The following STK39 variants were observed in gnomAD, a reference collection of about 807,000 sequenced individuals.
STK39 encodes the protein serine/threonine kinase 39, also known as STE20/SPS1-related proline-alanine-rich protein kinase.
In STK39, 20 loss-of-function variants were observed where a neutral mutation model predicts 77.8. The ratio of observed to expected loss-of-function variants is 0.26; its 90% CI spans 0.18 to 0.37. The LOEUF is 0.37. Among genes scored for constraint, STK39 ranks in the 10% least tolerant of loss-of-function variants. The pLI is 1.00. For missense variants in STK39, 479 were observed against 656.5 expected, an observed-to-expected ratio of 0.73 and a Z score of 2.95; for synonymous variants, 246 against 234.1, an observed-to-expected ratio of 1.05 and a Z score of -0.47.
intron 1 of STK39, among the ~76,000 whole-genome samples, chr2:168,227,009 C>T (rs1324351614): frequency 1.3e-5 from 2 of 152,124 alleles, no homozygotes; most frequent in South Asian, 2.1e-4. Flanking sequence ...CCTGGAATGA[C>T]AGCTGTGAAT....
intron 1 of STK39, among the ~76,000 whole-genome samples, chr2:168,217,222 T>C (rs1690046376): frequency 6.6e-6 from 1 of 152,178 alleles, no homozygotes; most frequent in South Asian, 2.1e-4. Flanking sequence ...CTGAATTCCT[T>C]AAGTCACACA....
At chr2:168,167,496 C>T in intron 2 of STK39, 89 bp from the exon 3 acceptor site, 1 of 1,167,044 alleles carries the variant, frequency 8.6e-7, no homozygotes, top group South Asian at 1.3e-5. Flanking sequence ...ACCTGGGTAA[C>T]TTTCCTACTC....
intron 10 of STK39, among the ~76,000 whole-genome samples, chr2:168,119,516 A>G (rs1476635191): frequency 6.6e-6 from 1 of 152,172 alleles, no homozygotes; most frequent in Admixed American, 6.6e-5. Context: ...AAGTCGTTAA[A>G]CCATCACCCT....
intron 1 of STK39, among the ~76,000 whole-genome samples, chr2:168,215,246 C>T (rs886889341): frequency 1.3e-5 from 2 of 152,130 alleles, no homozygotes; most frequent in Admixed American, 6.5e-5. Context: ...GCCAGGACTC[C>T]AATCATACTC....
intron 10 of STK39, among the ~76,000 whole-genome samples, chr2:168,092,908 C>G (rs1053774456): frequency 4.6e-5 from 7 of 152,216 alleles, no homozygotes; most frequent in African/African-American, 7.2e-5. Flanking sequence ...AGGCTACGCA[C>G]TCCCAGGGTA....
At chr2:168,121,598 C>T (rs541445030) in intron 10 of STK39, among the ~76,000 whole-genome samples, 68 of 152,300 alleles carry the variant, frequency 4.5e-4, no homozygotes, top group African/African-American at 1.3e-3. Flanking sequence ...GGCTTTTCCT[C>T]CATTTCACCC....
intron 14 of STK39, among the ~76,000 whole-genome samples, chr2:168,049,128 A>G (rs191124595): frequency 5.8e-4 from 89 of 152,320 alleles, no homozygotes; most frequent in African/African-American, 2.0e-3. Flanking sequence ...AAACAGTGTG[A>G]AATAAGCACC....
At chr2:168,070,517 A>C (rs971935677) in intron 12 of STK39, among the ~76,000 whole-genome samples, 2 of 151,360 alleles carry the variant, frequency 1.3e-5, no homozygotes, top group South Asian at 2.1e-4. Context: ...ACATAGGTAT[A>C]CATGTGCCAT....
intron 1 of STK39, among the ~76,000 whole-genome samples, chr2:168,215,290 G>A (rs1689998569): frequency 6.6e-6 from 1 of 152,140 alleles, no homozygotes; most frequent in Non-Finnish European, 1.5e-5. Context: ...AACTGAGGTT[G>A]ATTTAATTTG....
chr2:168,099,142 GA>G (rs1223902141), intron 10 of STK39, among the ~76,000 whole-genome samples: 1 of 152,246 alleles, frequency 6.6e-6, no homozygotes, highest in Non-Finnish European at 1.5e-5. Context: ...ACAACGCCAT[GA>G]GAGAGCCCAT....
In STK39 at chr2:168,043,369, T is replaced by C. The variant is rs535833061; in HGVS notation, c.1376+20131A>G. Reference sequence around the variant, plus strand: ...AAGTAATCTGGAGGCTGATGATTCCTAATTTTTAAATTGAAAATAAATACA... The same window carrying C: ...AAGTAATCTGGAGGCTGATGATTCCCAATTTTTAAATTGAAAATAAATACA... On this transcript the variant is annotated intron_variant, in intron 14 of 17. Coordinates refer to ENST00000355999, the MANE Select transcript of STK39 (RefSeq NM_013233.3). 3.9e-5 allele frequency among the ~76,000 whole-genome samples: 6 copies of C among 152,298 alleles called. No individual in the cohort carries two copies. The South Asian group carries it at 1.2e-3, about 32-fold the overall frequency.
At chr2:168,061,547 A>C (rs1039695892) in intron 14 of STK39, among the ~76,000 whole-genome samples, 1 of 152,212 alleles carries the variant, frequency 6.6e-6, no homozygotes. Context: ...TTGAACATAG[A>C]ACCCTTTCTT....
chr2:168,222,404 A>G (rs1356968568), intron 1 of STK39, among the ~76,000 whole-genome samples: 1 of 152,228 alleles, frequency 6.6e-6, no homozygotes, highest in Admixed American at 6.5e-5. Flanking sequence ...GTGATGGAAG[A>G]AAGAACGAGA....
chr2:168,156,375 T>C (rs1261877338), intron 5 of STK39, among the ~76,000 whole-genome samples: 1 of 152,110 alleles, frequency 6.6e-6, no homozygotes, highest in East Asian at 1.9e-4. Flanking sequence ...CAATGCTTTA[T>C]TCCATCAACA....
chr2:167,991,921 A>T (rs187886356), intron 16 of STK39, among the ~76,000 whole-genome samples: 1 of 152,336 alleles, frequency 6.6e-6, no homozygotes, highest in African/African-American at 2.4e-5. Flanking sequence ...GAAGACAGGA[A>T]TCTTTAAAAA....
At chr2:168,059,828 T>C (rs1685615824) in intron 14 of STK39, among the ~76,000 whole-genome samples, 1 of 152,160 alleles carries the variant, frequency 6.6e-6, no homozygotes, top group Admixed American at 6.5e-5. Flanking sequence ...TCACATACCT[T>C]TTCCTTCAGA....
intron 10 of STK39, among the ~76,000 whole-genome samples, chr2:168,107,890 C>A (rs766844634): frequency 1.3e-5 from 2 of 152,184 alleles, no homozygotes; most frequent in Non-Finnish European, 2.9e-5. Context: ...TCACTTTATA[C>A]GGACACCTGC....
intron 1 of STK39, chr2:168,232,317 A>G (rs1690478567): frequency 6.5e-6 from 1 of 154,148 alleles, no homozygotes; most frequent in Admixed American, 6.5e-5. Flanking sequence ...GTACATAAAA[A>G]TTCTGATATG....
chr2:168,230,049 C>T lies in STK39; in HGVS notation c.208+17179G>A, dbSNP rs180749364. Reference sequence around the variant, plus strand: ...AGTTGGGTAATAGTTTCCCCTAATACGTGTGAAAAACAAAAGTTAGATGAA... The same window carrying T: ...AGTTGGGTAATAGTTTCCCCTAATATGTGTGAAAAACAAAAGTTAGATGAA... On this transcript the variant is annotated intron_variant, in intron 1 of 17. Transcript: ENST00000355999. Among the ~76,000 whole-genome samples, 44 of 152,222 alleles carry T rather than the reference C, an allele frequency of 2.9e-4. 1 individual carries two copies. The highest frequency in any genetic ancestry group is 2.5e-3 in the Admixed American group (38 of 15,294).
Sources: allele counts gnomAD v4.1 joint callset (sites outside exome capture counted in the v4.1 genomes callset), GRCh38; gene constraint gnomAD v4.1.1; transcripts MANE v1.5; gene names NCBI Gene and HGNC (gene_info 2026-07-23, HGNC 2026-07-21).